The following SLC9C1 variants were observed in gnomAD, a reference collection of about 807,000 sequenced individuals.
SLC9C1 encodes sodium/hydrogen exchanger 10.
Under a neutral mutation model 140.9 loss-of-function variants are expected in SLC9C1, and 97 were observed. The observed-to-expected ratio is 0.69, with a 90% confidence interval of 0.58 to 0.82. The LOEUF (loss-of-function observed/expected upper bound fraction) is 0.82. Among genes scored for constraint, SLC9C1 ranks in the 40% least tolerant of loss-of-function variants. The probability of loss-of-function intolerance (pLI) is 0.00; values close to 1 mark genes in which losing one functional copy is unlikely to be tolerated. For synonymous variants in SLC9C1, 440 were observed against 442.6 expected, an observed-to-expected ratio of 0.99 and a Z score of 0.07; for missense variants, 1,340 against 1,389.3, an observed-to-expected ratio of 0.96 and a Z score of 0.56.
chr3:112,256,298 C>T (rs2079604516), intron 10 of SLC9C1, among the ~76,000 whole-genome samples: 1 of 152,110 alleles, frequency 6.6e-6, no homozygotes, highest in Non-Finnish European at 1.5e-5. Flanking sequence ...GGCCAATATG[C>T]TTGATGAACA....
chr3:112,175,018 G>A (rs1388573685), intron 23 of SLC9C1, among the ~76,000 whole-genome samples: 1 of 152,174 alleles, frequency 6.6e-6, no homozygotes, highest in Non-Finnish European at 1.5e-5. Flanking sequence ...CAAGGGCAAG[G>A]GCTGCAAGAC....
chr3:112,178,803 T>C (rs2077386873), intron 23 of SLC9C1, among the ~76,000 whole-genome samples: 1 of 152,232 alleles, frequency 6.6e-6, no homozygotes, highest in African/African-American at 2.4e-5. Context: ...AGATCTATTA[T>C]TTTATTAGCG....
chr3:112,270,030 A>G lies in SLC9C1; in HGVS notation c.661T>C (p.Leu221=). The G allele has an allele frequency of 6.3e-7, 1 of 1,595,618 alleles. No homozygotes were observed. The highest frequency in any genetic ancestry group is 8.5e-7 in the Non-Finnish European group (1 of 1,172,342). The part of the protein sequence containing the change: ...GICSYIIASF[L]FGILSSKLIQ... ...AGTTTTGAACTTAGAATTCCAAACAAGAAACTTGCTATAATATATGAACAA... is the reference window on the plus strand; with the variant it reads ...AGTTTTGAACTTAGAATTCCAAACAGGAAACTTGCTATAATATATGAACAA... Residue 221 remains leucine, a synonymous_variant, in exon 7 of 29, where the codon TTG becomes CTG. Transcript: ENST00000305815.
intron 13 of SLC9C1, among the ~76,000 whole-genome samples, chr3:112,224,534 G>A (rs2078628711): frequency 6.6e-6 from 1 of 151,970 alleles, no homozygotes; most frequent in South Asian, 2.1e-4. Flanking sequence ...AGGAAACTCA[G>A]CAGACACAAT....
At chr3:112,227,559 A>G (rs2078715435) in intron 13 of SLC9C1, among the ~76,000 whole-genome samples, 1 of 152,166 alleles carries the variant, frequency 6.6e-6, no homozygotes. Context: ...AACTCCCAAT[A>G]AAGTAGATAT....
chr3:112,237,672 C>T (rs1416661523), intron 12 of SLC9C1, among the ~76,000 whole-genome samples: 1 of 152,140 alleles, frequency 6.6e-6, no homozygotes, highest in Admixed American at 6.5e-5. Flanking sequence ...AATCTCTCAG[C>T]ATTTGCTTGT....
intron 12 of SLC9C1, among the ~76,000 whole-genome samples, chr3:112,237,064 G>A (rs1307234880): frequency 1.3e-5 from 2 of 152,130 alleles, no homozygotes; most frequent in African/African-American, 4.8e-5. Context: ...TGACAGTGGG[G>A]TGTTAATTTC....
chr3:112,246,734 C>T (rs1273290022), intron 10 of SLC9C1, among the ~76,000 whole-genome samples: 3 of 152,148 alleles, frequency 2.0e-5, no homozygotes, highest in Non-Finnish European at 4.4e-5. Flanking sequence ...CAGTGGTGGC[C>T]TTAAGCTACA....
intron 20 of SLC9C1, among the ~76,000 whole-genome samples, chr3:112,192,000 A>G (rs1000464252): frequency 6.6e-6 from 1 of 151,476 alleles, no homozygotes; most frequent in Non-Finnish European, 1.5e-5. Context: ...CTATTTGATT[A>G]TTATGGATTT....
At chr3:112,246,397 C>T (rs916146553) in intron 10 of SLC9C1, among the ~76,000 whole-genome samples, 1 of 152,128 alleles carries the variant, frequency 6.6e-6, no homozygotes, top group African/African-American at 2.4e-5. Flanking sequence ...AAAACCCAGA[C>T]TTCTTGATAA....
chr3:112,200,614 G>T, intron 19 of SLC9C1, 97 bp downstream of exon 19: 1 of 1,079,646 alleles, frequency 9.3e-7, no homozygotes, highest in Non-Finnish European at 1.4e-6. Context: ...TAGTGAGTAG[G>T]TTTCCTCAAA....
intron 20 of SLC9C1, among the ~76,000 whole-genome samples, chr3:112,198,749 C>T (rs753327409): frequency 1.3e-5 from 2 of 151,412 alleles, no homozygotes; most frequent in African/African-American, 4.9e-5. Context: ...AATATGCTAC[C>T]CAATTCAGTT....
intron 16 of SLC9C1, among the ~76,000 whole-genome samples, chr3:112,205,052 G>A (rs2078008065): frequency 6.6e-6 from 1 of 151,918 alleles, no homozygotes; most frequent in Admixed American, 6.6e-5. Context: ...TTCTGGCCAG[G>A]GCAATCAGGC....
intron 15 of SLC9C1, among the ~76,000 whole-genome samples, chr3:112,210,300 G>A (rs1219648710): frequency 6.6e-6 from 1 of 152,158 alleles, no homozygotes; most frequent in South Asian, 2.1e-4. Flanking sequence ...ATAAAATGTG[G>A]TATATATACC....
At chr3:112,156,293 AC>A (rs1230276401) in intron 26 of SLC9C1, among the ~76,000 whole-genome samples, 6 of 151,844 alleles carry the variant, frequency 4.0e-5, no homozygotes, top group Non-Finnish European at 8.8e-5. Context: ...TAAGATAATG[AC>A]CTCTAGTTTC....
At chr3:112,200,968 G>A (rs1331228183) in intron 18 of SLC9C1, among the ~76,000 whole-genome samples, 3 of 152,022 alleles carry the variant, frequency 2.0e-5, no homozygotes, top group East Asian at 3.9e-4. Flanking sequence ...GTATAACCTA[G>A]CCCAATTTTG....
rs372858060 is a variant in SLC9C1, at chr3:112,141,256, G to T, written c.*16C>A. ...TAGCCACAGCATTAATACATGCTTCGGTCTTCTTAACAGTCTTACTCTTTC... is the reference window on the plus strand; with the variant it reads ...TAGCCACAGCATTAATACATGCTTCTGTCTTCTTAACAGTCTTACTCTTTC... On this transcript the variant is annotated 3_prime_UTR_variant, in exon 29 of 29. Coordinates refer to ENST00000305815, the MANE Select transcript of SLC9C1 (RefSeq NM_183061.3). 127 of 1,575,560 alleles carry T rather than the reference G, an allele frequency of 8.1e-5. 1 individual carries two copies. The highest frequency in any genetic ancestry group is 8.0e-4 in the South Asian group (68 of 85,162).
At chr3:112,281,957 A>G (rs2080369077) in intron 2 of SLC9C1, among the ~76,000 whole-genome samples, 1 of 152,242 alleles carries the variant, frequency 6.6e-6, no homozygotes, top group Non-Finnish European at 1.5e-5. Flanking sequence ...ACAGTGGCGG[A>G]TCATCCACAT....
Position 112,286,709 on chromosome 3 carries a change from A to G in SLC9C1, c.83T>C (p.Ile28Thr). The G allele has an allele frequency of 6.2e-7, 1 of 1,611,476 alleles. No homozygotes were observed. The highest frequency in any genetic ancestry group is 8.5e-7 in the Non-Finnish European group (1 of 1,178,742). ...AAAGAGAGAGTGATACTTACCTCCA[A>G]TGGAGCTGATCAAAGACAATGTTAG... ...VILTLSLISS[I>T]GAFLNRHLED... The change falls in exon 2 of 29, where the codon ATT (isoleucine) becomes ACT (threonine). Residue 28 changes from isoleucine to threonine, a missense_variant. By Grantham distance (89) the Ile-to-Thr change is moderately conservative. Transcript: ENST00000305815.
Sources: allele counts gnomAD v4.1 joint callset (sites outside exome capture counted in the v4.1 genomes callset), GRCh38; gene constraint gnomAD v4.1.1; transcripts MANE v1.5; gene names NCBI Gene and HGNC (gene_info 2026-07-23, HGNC 2026-07-21).